Variants in LCLAT1 observed in about 807,000 individuals in gnomAD.
LCLAT1 encodes 1-AGP acyltransferase 8.
In LCLAT1, 11 loss-of-function variants were observed where a neutral mutation model predicts 30.7. The ratio of observed to expected loss-of-function variants is 0.36; its 90% CI spans 0.23 to 0.59. LCLAT1 has a LOEUF of 0.59. Among genes scored for constraint, LCLAT1 ranks in the 20% least tolerant of loss-of-function variants. The probability of loss-of-function intolerance (pLI) is 0.77; values close to 1 mark genes in which losing one functional copy is unlikely to be tolerated. For missense variants in LCLAT1, 402 were observed against 458.6 expected (o/e 0.88, Z 1.13); for synonymous variants, 155 against 151.3 (o/e 1.02, Z -0.18).
intron 5 of LCLAT1, among the ~76,000 whole-genome samples, chr2:30,614,539 G>A (rs1376997395): frequency 2.0e-5 from 3 of 152,136 alleles, no homozygotes; most frequent in Non-Finnish European, 4.4e-5. Flanking sequence ...TGAAGGAAAG[G>A]CAGTTTTGCC....
chr2:30,629,451 T>C (rs991733076), intron 5 of LCLAT1, among the ~76,000 whole-genome samples: 3 of 152,018 alleles, frequency 2.0e-5, no homozygotes, highest in Non-Finnish European at 4.4e-5. Context: ...TCCCAGCCAC[T>C]TGGGAGGCTG....
At chr2:30,573,136 A>G (rs1305595623) in intron 5 of LCLAT1, among the ~76,000 whole-genome samples, 1 of 152,226 alleles carries the variant, frequency 6.6e-6, no homozygotes, top group African/African-American at 2.4e-5. Flanking sequence ...CTGTTGTGCA[A>G]GCCAGAAACC....
intron 3 of LCLAT1, among the ~76,000 whole-genome samples, 199 bp downstream of exon 3, chr2:30,533,513 AAG>A (rs1456246464): frequency 6.6e-6 from 1 of 152,230 alleles, no homozygotes; most frequent in Non-Finnish European, 1.5e-5. Flanking sequence ...ATTACTCTGA[AAG>A]AGAAAATAAA....
intron 1 of LCLAT1, among the ~76,000 whole-genome samples, chr2:30,494,327 G>C (rs1683987020): frequency 6.6e-6 from 1 of 152,152 alleles, no homozygotes; most frequent in African/African-American, 2.4e-5. Flanking sequence ...AGTCAAGTTT[G>C]TGTGAACTTC....
chr2:30,547,154 C>G (rs746581289), intron 3 of LCLAT1, among the ~76,000 whole-genome samples: 1 of 152,128 alleles, frequency 6.6e-6, no homozygotes, highest in East Asian at 1.9e-4. Context: ...TGGAATGAAT[C>G]TCTGCAGCTA....
chr2:30,544,696 A>G (rs1664316931), intron 3 of LCLAT1, among the ~76,000 whole-genome samples: 2 of 152,068 alleles, frequency 1.3e-5, no homozygotes, highest in South Asian at 4.1e-4. Flanking sequence ...TCCTGTGCCT[A>G]AGGGATTATT....
chr2:30,620,913 T>C (rs963999739), intron 5 of LCLAT1, among the ~76,000 whole-genome samples: 3 of 152,186 alleles, frequency 2.0e-5, no homozygotes, highest in Non-Finnish European at 4.4e-5. Context: ...TGGGATACTT[T>C]AGCTTGTCAC....
intron 3 of LCLAT1, among the ~76,000 whole-genome samples, chr2:30,561,816 TTTAG>T (rs1199974817): frequency 1.3e-5 from 2 of 152,144 alleles, no homozygotes; most frequent in African/African-American, 4.8e-5. Context: ...AAAATATCTG[TTTAG>T]TTAGGATTGT....
intron 1 of LCLAT1, among the ~76,000 whole-genome samples, chr2:30,492,934 A>T (rs1200116157): frequency 4.6e-5 from 7 of 152,196 alleles, no homozygotes; most frequent in Non-Finnish European, 4.4e-5. Flanking sequence ...TTTGGGGCAC[A>T]CTAAAATTAG....
intron 5 of LCLAT1, among the ~76,000 whole-genome samples, chr2:30,578,054 G>A (rs1444723358): frequency 6.6e-6 from 1 of 152,094 alleles, no homozygotes; most frequent in African/African-American, 2.4e-5. Context: ...GACATTAAAT[G>A]TGAGAAATTT....
chr2:30,473,243 TATG>T (rs892586801), intron 1 of LCLAT1, among the ~76,000 whole-genome samples: 2 of 152,200 alleles, frequency 1.3e-5, no homozygotes, highest in African/African-American at 2.4e-5. Flanking sequence ...CATATGCTAT[TATG>T]AAGACATATA....
chr2:30,558,141 A>G (rs1240475910), intron 3 of LCLAT1, among the ~76,000 whole-genome samples: 1 of 152,110 alleles, frequency 6.6e-6, no homozygotes, highest in East Asian at 1.9e-4. Flanking sequence ...AGAAGAGTAT[A>G]TATTTATATT....
intron 4 of LCLAT1, among the ~76,000 whole-genome samples, chr2:30,567,352 G>A (rs1665535000): frequency 6.6e-6 from 1 of 152,156 alleles, no homozygotes; most frequent in Admixed American, 6.5e-5. Context: ...GAGCATCTCA[G>A]CTTTGAAATG....
intron 5 of LCLAT1, among the ~76,000 whole-genome samples, chr2:30,585,979 T>C (rs7572318): frequency 0.85 from 128,930 of 151,914 alleles, 54,851 homozygotes; most frequent in East Asian, 0.94. Context: ...TGGCCGGGCG[T>C]GGTGGCTCAC....
intron 5 of LCLAT1, among the ~76,000 whole-genome samples, chr2:30,611,535 C>G (rs1039508671): frequency 2.6e-5 from 4 of 152,094 alleles, no homozygotes; most frequent in Non-Finnish European, 5.9e-5. Context: ...TTCTCTCTCC[C>G]CCTGACTCTG....
intron 1 of LCLAT1, among the ~76,000 whole-genome samples, chr2:30,491,462 A>C (rs1212044278): frequency 6.6e-6 from 1 of 152,192 alleles, no homozygotes; most frequent in African/African-American, 2.4e-5. Context: ...TAATGGAGTT[A>C]GACAGGGTCT....
At chr2:30,499,365 A>G (rs1385199032) in intron 1 of LCLAT1, among the ~76,000 whole-genome samples, 1 of 152,154 alleles carries the variant, frequency 6.6e-6, no homozygotes, top group Non-Finnish European at 1.5e-5. Context: ...TATTTTTAGT[A>G]GAGACAGGGT....
chr2:30,524,660 C>T lies in LCLAT1; in HGVS notation c.-4-927C>T, dbSNP rs574722127. 9.8e-5 allele frequency among the ~76,000 whole-genome samples: 15 copies of T among 152,306 alleles called. No homozygotes were observed. The South Asian group carries it at 3.1e-3, about 32-fold the overall frequency. The stretch of plus-strand genomic sequence containing the variant: ...CATTGATACAATATATGCTATGCTA[C>T]CTGCCTCTTAGTCCCTTAATAGCAG... On this transcript the variant is annotated intron_variant, in intron 1 of 5. Transcript: ENST00000379509.
At chr2:30,547,600 T>C (rs1463128816) in intron 3 of LCLAT1, among the ~76,000 whole-genome samples, 2 of 151,984 alleles carry the variant, frequency 1.3e-5, no homozygotes, top group Non-Finnish European at 2.9e-5. Flanking sequence ...AAGAAGTCAA[T>C]GAAGGTCCAG....
Sources: gnomAD v4.1 joint callset for allele counts (sites outside exome capture counted in the v4.1 genomes callset) on GRCh38, gnomAD v4.1.1 for gene constraint, MANE v1.5 for transcripts, NCBI Gene and HGNC (gene_info 2026-07-23, HGNC 2026-07-21) for gene names.